The following DTWD2 variants were observed in gnomAD, a reference collection of about 807,000 sequenced individuals.
DTWD2 encodes the protein tRNA-uridine aminocarboxypropyltransferase 2.
A neutral mutation model predicts 31.8 loss-of-function variants in DTWD2; 39 were observed. The ratio of observed to expected loss-of-function variants is 1.22; its 90% CI spans 0.95 to 1.60. DTWD2 has a LOEUF of 1.60. DTWD2 is among the 40% of genes most tolerant of loss of function. The probability of loss-of-function intolerance (pLI) is 0.00; values close to 1 mark genes in which losing one functional copy is unlikely to be tolerated. For synonymous variants in DTWD2, 180 were observed against 142.8 expected (o/e 1.26, Z -1.86); for missense variants, 515 against 381.5 (o/e 1.35, Z -2.92).
At chr5:118,871,174 A>G (rs374052548) in intron 4 of DTWD2, among the ~76,000 whole-genome samples, 1 of 152,182 alleles carries the variant, frequency 6.6e-6, no homozygotes, top group East Asian at 1.9e-4. Context: ...AGATTTCAAC[A>G]ATTCATTTGC....
chr5:118,961,496 G>A (rs1324004700), intron 1 of DTWD2, among the ~76,000 whole-genome samples: 4 of 151,658 alleles, frequency 2.6e-5, no homozygotes, highest in African/African-American at 9.7e-5. Flanking sequence ...TATCCCAGCT[G>A]TGCATTTCCT....
chr5:118,906,733 T>C (rs1191238858), intron 4 of DTWD2, among the ~76,000 whole-genome samples: 1 of 152,152 alleles, frequency 6.6e-6, no homozygotes, highest in Non-Finnish European at 1.5e-5. Flanking sequence ...TTGATAATCA[T>C]TTAGGGAGCA....
intron 1 of DTWD2, among the ~76,000 whole-genome samples, chr5:118,969,872 T>C (rs1467680686): frequency 6.6e-6 from 1 of 151,958 alleles, no homozygotes; most frequent in East Asian, 1.9e-4. Flanking sequence ...AAATGGGTAA[T>C]AAAAAGCTTC....
In DTWD2 at chr5:118,988,541, G is replaced by A. The variant is rs918732206; in HGVS notation, c.-30C>T. 3.4e-6 allele frequency: 5 copies of A among 1,481,364 alleles called. No individual in the cohort carries two copies. Among genetic ancestry groups the A allele is most frequent in the South Asian group, 1.3e-5 (1 of 74,092 alleles). 91.8% of individuals were successfully genotyped at this position (1,481,364 alleles called of 1,614,324 possible). Reference sequence around the variant, plus strand: ...GACACTCCGGTCAGGCCGTGGCATTGAAGCCCGGCTGCCGCCGGGGGGCGC... The same window carrying A: ...GACACTCCGGTCAGGCCGTGGCATTAAAGCCCGGCTGCCGCCGGGGGGCGC... On this transcript the variant is annotated 5_prime_UTR_variant, in exon 1 of 6. Coordinates refer to ENST00000510708, the MANE Select transcript of DTWD2 (RefSeq NM_173666.4).
intron 1 of DTWD2, among the ~76,000 whole-genome samples, chr5:118,980,490 G>A (rs1026361406): frequency 6.6e-6 from 1 of 152,150 alleles, no homozygotes; most frequent in African/African-American, 2.4e-5. Flanking sequence ...CTTGCAATTC[G>A]CCTACCAAAA....
intron 1 of DTWD2, chr5:118,974,695 T>C (rs1365313868): frequency 2.0e-6 from 1 of 511,086 alleles, no homozygotes; most frequent in Admixed American, 2.2e-5. Flanking sequence ...GGTTTCTTTT[T>C]TTTCCTTTTT....
rs564842535 is a variant in DTWD2, at chr5:118,903,232, T to C, written c.597+25305A>G. ...GTTTCTCTGGGAAACAAGATAAACATTGAACAGCTGGGAAAACTATAAACT... is the reference window on the plus strand; with the variant it reads ...GTTTCTCTGGGAAACAAGATAAACACTGAACAGCTGGGAAAACTATAAACT... On this transcript the variant is annotated intron_variant, in intron 4 of 5. Coordinates refer to ENST00000510708, the MANE Select transcript of DTWD2 (RefSeq NM_173666.4). Among the ~76,000 whole-genome samples the C allele has an allele frequency of 5.3e-5, 8 of 151,544 alleles. No homozygotes were observed. The South Asian group carries it at 8.3e-4, about 16-fold the overall frequency.
chr5:118,854,888 T>C (rs1439712644), intron 4 of DTWD2, among the ~76,000 whole-genome samples: 1 of 152,120 alleles, frequency 6.6e-6, no homozygotes, highest in Non-Finnish European at 1.5e-5. Flanking sequence ...ACTTATATGT[T>C]GTTCCTTTAA....
At chr5:118,970,937 G>T (rs1250971640) in intron 1 of DTWD2, among the ~76,000 whole-genome samples, 1 of 152,096 alleles carries the variant, frequency 6.6e-6, no homozygotes, top group East Asian at 1.9e-4. Flanking sequence ...AGCAAATGCT[G>T]AGGGACTTCG....
chr5:118,947,473 A>G (rs1754365295), intron 1 of DTWD2, among the ~76,000 whole-genome samples: 1 of 152,164 alleles, frequency 6.6e-6, no homozygotes, highest in Non-Finnish European at 1.5e-5. Flanking sequence ...CAACAGCATC[A>G]AGCCATCCCT....
In DTWD2 at chr5:118,836,720, G is replaced by T. The variant is rs767080961; in HGVS notation, c.*4197C>A. 6.6e-6 allele frequency among the ~76,000 whole-genome samples: 1 copy of T among 152,134 alleles called. No individual in the cohort carries two copies. Among genetic ancestry groups the T allele is most frequent in the Non-Finnish European group, 1.5e-5 (1 of 68,024 alleles). ...TTTGGGGGATGATTAGGTCATAAGG[G>T]TCTCAGAGAGCTAGCTCGACCCTTC... On this transcript the variant is annotated 3_prime_UTR_variant, in exon 6 of 6. Transcript: ENST00000510708.
chr5:118,864,274 G>C (rs952267437), intron 4 of DTWD2, among the ~76,000 whole-genome samples: 1 of 150,162 alleles, frequency 6.7e-6, no homozygotes. Flanking sequence ...GTAAACTATT[G>C]CAAGGACAAA....
At chr5:118,951,680 G>A (rs1440313895) in intron 1 of DTWD2, among the ~76,000 whole-genome samples, 1 of 152,120 alleles carries the variant, frequency 6.6e-6, no homozygotes, top group East Asian at 1.9e-4. Flanking sequence ...GAGAACACAG[G>A]CTAAGGGAGA....
intron 4 of DTWD2, among the ~76,000 whole-genome samples, chr5:118,869,330 T>G (rs1752452113): frequency 1.3e-5 from 2 of 151,902 alleles, no homozygotes; most frequent in South Asian, 4.2e-4. Flanking sequence ...AGAAATGAAG[T>G]CAACCACAAC....
At chr5:118,893,014 TAA>T (rs1269472616) in intron 4 of DTWD2, among the ~76,000 whole-genome samples, 4 of 147,358 alleles carry the variant, frequency 2.7e-5, no homozygotes, top group Admixed American at 6.8e-5. Context: ...AAAATATTGT[TAA>T]GTTAAAAATA....
chr5:118,981,754 A>G (rs1755305847), intron 1 of DTWD2, among the ~76,000 whole-genome samples: 1 of 152,226 alleles, frequency 6.6e-6, no homozygotes, highest in African/African-American at 2.4e-5. Flanking sequence ...ACAGACAGAC[A>G]AAGAATTCAG....
intron 2 of DTWD2, among the ~76,000 whole-genome samples, chr5:118,942,993 G>A (rs1424934970): frequency 1.3e-5 from 2 of 152,096 alleles, no homozygotes; most frequent in Non-Finnish European, 1.5e-5. Flanking sequence ...TTATAGAGAT[G>A]GGGTCTCGCT....
chr5:118,910,828 C>A (rs1167038211), intron 4 of DTWD2, among the ~76,000 whole-genome samples: 1 of 152,172 alleles, frequency 6.6e-6, no homozygotes, highest in Non-Finnish European at 1.5e-5. Flanking sequence ...ACCAGCAGAT[C>A]TGGTGTCTGG....
At chr5:118,959,053 C>G (rs1023324441) in intron 1 of DTWD2, among the ~76,000 whole-genome samples, 8 of 152,186 alleles carry the variant, frequency 5.3e-5, no homozygotes, top group African/African-American at 1.9e-4. Flanking sequence ...CAAGTCTGCT[C>G]ACTCTCACCA....
Sources: gnomAD v4.1 joint callset for allele counts (sites outside exome capture counted in the v4.1 genomes callset) on GRCh38, gnomAD v4.1.1 for gene constraint, MANE v1.5 for transcripts, NCBI Gene and HGNC (gene_info 2026-07-23, HGNC 2026-07-21) for gene names.